KCND3: variants seen among roughly 807,000 people sequenced by gnomAD.
The protein encoded by KCND3 is potassium voltage-gated channel subfamily D member 3, also known as A-type voltage-gated potassium channel KCND3.
A neutral mutation model predicts 51.1 loss-of-function variants in KCND3; 9 were observed. The ratio of observed to expected loss-of-function variants is 0.18; its 90% CI spans 0.11 to 0.31. The LOEUF is 0.31. Among genes scored for constraint, KCND3 ranks in the 10% least tolerant of loss-of-function variants. KCND3 has a pLI of 1.00. For missense variants in KCND3, 526 were observed against 903.8 expected (o/e 0.58, Z 5.36); for synonymous variants, 349 against 368.0 (o/e 0.95, Z 0.59).
chr1:111,965,393 C>T (rs550912019), intron 2 of KCND3, among the ~76,000 whole-genome samples: 1 of 150,454 alleles, frequency 6.6e-6, no homozygotes, highest in East Asian at 2.0e-4. Context: ...CCAGGTTACC[C>T]TGAGAACTCC....
chr1:111,800,400 A>G (rs1665248960), intron 2 of KCND3, among the ~76,000 whole-genome samples: 2 of 104,542 alleles, frequency 1.9e-5, no homozygotes, highest in Admixed American at 1.9e-4. Context: ...GGACACAAAC[A>G]CTGCGGAAGG....
At chr1:111,801,627 T>C (rs1032710996) in intron 2 of KCND3, among the ~76,000 whole-genome samples, 2 of 152,174 alleles carry the variant, frequency 1.3e-5, no homozygotes, top group East Asian at 1.9e-4. Context: ...GTTTGGCCAA[T>C]TGACCCAATA....
intron 2 of KCND3, among the ~76,000 whole-genome samples, chr1:111,916,074 C>T (rs1571846009): frequency 1.3e-5 from 2 of 152,128 alleles, no homozygotes; most frequent in South Asian, 2.1e-4. Context: ...TCAACCTCCT[C>T]GATCTAACTG....
intron 2 of KCND3, among the ~76,000 whole-genome samples, chr1:111,957,797 C>G (rs1673414692): frequency 6.6e-6 from 1 of 152,202 alleles, no homozygotes; most frequent in Admixed American, 6.5e-5. Context: ...CCTCATTTAC[C>G]TATTGTCTAT....
intron 2 of KCND3, among the ~76,000 whole-genome samples, chr1:111,872,331 CT>C (rs1407993579): frequency 6.6e-6 from 1 of 152,208 alleles, no homozygotes; most frequent in Non-Finnish European, 1.5e-5. Flanking sequence ...TGGCATTTCC[CT>C]TCTAGGAATG....
Position 111,850,423 on chromosome 1 carries a change from C to A in KCND3, c.1107-63317G>T, listed in dbSNP as rs561092419. Reference sequence around the variant, plus strand: ...AGGCTGCTGTGCCATCTGGGGACCCCTCACAGCTGACCCATAGGCCTCCTT... The same window carrying A: ...AGGCTGCTGTGCCATCTGGGGACCCATCACAGCTGACCCATAGGCCTCCTT... On this transcript the variant is annotated intron_variant, in intron 2 of 7. Transcript: ENST00000302127. 6.6e-5 allele frequency among the ~76,000 whole-genome samples: 10 copies of A among 152,296 alleles called. No individual in the cohort carries two copies. The South Asian group carries it at 1.9e-3, about 28-fold the overall frequency.
Position 111,780,182 on chromosome 1 carries a change from A to G in KCND3, c.1461+43T>C. ...GTGAGTACAGCCTTAGAAAAGGGTC[A>G]GGGTCAGCGATGAAAAGGAGGTGGC... On this transcript the variant is annotated intron_variant, in intron 5 of 7. Coordinates refer to ENST00000302127, the MANE Select transcript of KCND3 (RefSeq NM_001378969.1). This position sits in a 1 kb window ranked among gnomAD's most constrained non-coding sequence, Gnocchi z 4.2. 1 of 1,520,678 alleles carries G rather than the reference A, an allele frequency of 6.6e-7. No individual in the cohort carries two copies. The highest frequency in any genetic ancestry group is 8.9e-7 in the Non-Finnish European group (1 of 1,118,074). 94.2% of individuals were successfully genotyped at this position (1,520,678 alleles called of 1,614,324 possible). A position where few individuals can be genotyped will look rare whatever the true frequency, so the allele number is the denominator to read the frequency against.
chr1:111,846,573 C>A (rs971152509), intron 2 of KCND3, among the ~76,000 whole-genome samples: 1 of 152,178 alleles, frequency 6.6e-6, no homozygotes. Context: ...TTCCTATGTA[C>A]CCAGGTTAAG....
intron 2 of KCND3, among the ~76,000 whole-genome samples, chr1:111,929,070 G>A (rs1187919874): frequency 1.3e-5 from 2 of 152,138 alleles, no homozygotes; most frequent in Non-Finnish European, 2.9e-5. Flanking sequence ...GTTTTGCTTC[G>A]CAAATTGGAA....
At chr1:111,823,592 G>T (rs1666444353) in intron 2 of KCND3, among the ~76,000 whole-genome samples, 1 of 152,158 alleles carries the variant, frequency 6.6e-6, no homozygotes, top group Admixed American at 6.5e-5. Context: ...AAAAGCAAAA[G>T]AAAAATAGGA....
chr1:111,927,207 C>T (rs572243460), intron 2 of KCND3, among the ~76,000 whole-genome samples: 1 of 152,202 alleles, frequency 6.6e-6, no homozygotes. Context: ...TTAGGACCAA[C>T]GAGATGGGGC....
chr1:111,850,179 T>C (rs1201824065), intron 2 of KCND3, among the ~76,000 whole-genome samples: 2 of 152,176 alleles, frequency 1.3e-5, no homozygotes, highest in African/African-American at 4.8e-5. Context: ...AAAAATGTCA[T>C]TTTTCCTGGT....
At chr1:111,792,778 T>A (rs1664892400) in intron 2 of KCND3, among the ~76,000 whole-genome samples, 1 of 152,074 alleles carries the variant, frequency 6.6e-6, no homozygotes, top group Admixed American at 6.6e-5. Flanking sequence ...TATTTATAAG[T>A]GTTTATTAAA....
chr1:111,946,446 C>T (rs929823456), intron 2 of KCND3, among the ~76,000 whole-genome samples: 2 of 152,164 alleles, frequency 1.3e-5, no homozygotes, highest in Non-Finnish European at 2.9e-5. Flanking sequence ...GTTGAGTAGA[C>T]AAGATGGGAG....
At chr1:111,834,162 C>T (rs1263128194) in intron 2 of KCND3, among the ~76,000 whole-genome samples, 1 of 152,178 alleles carries the variant, frequency 6.6e-6, no homozygotes, top group East Asian at 1.9e-4. Context: ...CTAGCTCTCT[C>T]CCTGTTCCAA....
At chr1:111,892,227 A>G (rs576815647) in intron 2 of KCND3, among the ~76,000 whole-genome samples, 1 of 152,282 alleles carries the variant, frequency 6.6e-6, no homozygotes, top group East Asian at 1.9e-4. Context: ...GAAAGGGAGC[A>G]TCCAAAGCTC....
At chr1:111,861,096 C>T (rs1466596002) in intron 2 of KCND3, among the ~76,000 whole-genome samples, 2 of 152,106 alleles carry the variant, frequency 1.3e-5, no homozygotes, top group Non-Finnish European at 2.9e-5. Context: ...ATGGGGTCAA[C>T]TCACCAGTTC....
At chr1:111,917,644 A>C (rs1391045403) in intron 2 of KCND3, among the ~76,000 whole-genome samples, 1 of 152,206 alleles carries the variant, frequency 6.6e-6, no homozygotes, top group Admixed American at 6.5e-5. Context: ...TCTCCATCAA[A>C]GGCCATTAGG....
chr1:111,944,445 C>A (rs1048422077), intron 2 of KCND3, among the ~76,000 whole-genome samples: 5 of 152,232 alleles, frequency 3.3e-5, no homozygotes, highest in Non-Finnish European at 5.9e-5. Context: ...CAAGGAGACT[C>A]CCTCTGGAGG....
Sources: gnomAD v4.1 joint callset for allele counts (sites outside exome capture counted in the v4.1 genomes callset) on GRCh38, gnomAD v4.1.1 for gene constraint, Gnocchi (gnomAD v3.1) non-coding constraint, MANE v1.5 for transcripts, NCBI Gene and HGNC (gene_info 2026-07-23, HGNC 2026-07-21) for gene names.